Variants in SUCLG2 observed in about 807,000 individuals in gnomAD.
The protein encoded by SUCLG2 is succinate--CoA ligase [GDP-forming] subunit beta, mitochondrial.
Under a neutral mutation model 47.9 loss-of-function variants are expected in SUCLG2, and 42 were observed. The ratio of observed to expected loss-of-function variants is 0.88; its 90% CI spans 0.69 to 1.14. SUCLG2 has a LOEUF of 1.14. SUCLG2 is among the 50% of genes most tolerant of loss of function. The pLI is 0.00. For missense variants in SUCLG2, 571 were observed against 525.9 expected (o/e 1.09, Z -0.84); for synonymous variants, 195 against 197.3 (o/e 0.99, Z 0.10).
chr3:67,615,311 G>C (rs531966266), intron 1 of SUCLG2, among the ~76,000 whole-genome samples: 22 of 151,942 alleles, frequency 1.4e-4, no homozygotes, highest in African/African-American at 5.3e-4. Flanking sequence ...TAAAATTAGA[G>C]GTGTAGAAAC....
At chr3:67,636,351 T>A (rs1202556367) in intron 1 of SUCLG2, among the ~76,000 whole-genome samples, 3 of 148,984 alleles carry the variant, frequency 2.0e-5, no homozygotes, top group Non-Finnish European at 4.5e-5. Flanking sequence ...CAAGGCAGAA[T>A]CCTTTTTTTT....
At chr3:67,538,193 A>G (rs904333470) in intron 2 of SUCLG2, among the ~76,000 whole-genome samples, 1 of 151,886 alleles carries the variant, frequency 6.6e-6, no homozygotes, top group African/African-American at 2.4e-5. Flanking sequence ...TAGGGTTTTG[A>G]TCGTTTTAGG....
downstream of SUCLG2, among the ~76,000 whole-genome samples, chr3:67,370,867 A>G (rs1000327880): frequency 6.6e-6 from 1 of 152,214 alleles, no homozygotes; most frequent in Non-Finnish European, 1.5e-5. Flanking sequence ...TGTGATTCCT[A>G]ATACAAGGCT....
intron 9 of SUCLG2, among the ~76,000 whole-genome samples, chr3:67,491,554 G>A (rs1351879220): frequency 1.3e-5 from 2 of 151,822 alleles, no homozygotes; most frequent in African/African-American, 2.4e-5. Flanking sequence ...AAGTAGAGAC[G>A]GGGTTTTACC....
chr3:67,598,476 A>G (rs1455195778), intron 2 of SUCLG2, among the ~76,000 whole-genome samples: 1 of 152,230 alleles, frequency 6.6e-6, no homozygotes, highest in Non-Finnish European at 1.5e-5. Context: ...AGGCAAACCA[A>G]TAGGGATGAT....
At chr3:67,461,271 T>C (rs1182266330) in intron 9 of SUCLG2, among the ~76,000 whole-genome samples, 1 of 152,132 alleles carries the variant, frequency 6.6e-6, no homozygotes, top group African/African-American at 2.4e-5. Context: ...TTCTCAACAT[T>C]AACAGTGCAT....
intron 7 of SUCLG2, among the ~76,000 whole-genome samples, chr3:67,507,822 C>T (rs1047142899): frequency 6.6e-6 from 1 of 152,236 alleles, no homozygotes; most frequent in Non-Finnish European, 1.5e-5. Context: ...ACATGCAAGA[C>T]ACCGGAGGTG....
chr3:67,601,657 C>G (rs1437990132), intron 2 of SUCLG2, among the ~76,000 whole-genome samples: 1 of 152,128 alleles, frequency 6.6e-6, no homozygotes, highest in Non-Finnish European at 1.5e-5. Flanking sequence ...CTTCTTTGCC[C>G]ATTCTCAATG....
At chr3:67,487,832 A>G (rs909003552) in intron 9 of SUCLG2, among the ~76,000 whole-genome samples, 2 of 152,148 alleles carry the variant, frequency 1.3e-5, no homozygotes, top group Admixed American at 6.6e-5. Flanking sequence ...CACTTCTAGG[A>G]ATTTATCTTA....
chr3:67,639,001 T>C (rs552151095), intron 1 of SUCLG2, among the ~76,000 whole-genome samples: 2 of 152,232 alleles, frequency 1.3e-5, no homozygotes, highest in South Asian at 2.1e-4. Flanking sequence ...AGATTAACTA[T>C]CTAGAGCTAT....
In SUCLG2 at chr3:67,528,172, G is replaced by A. The variant is rs200929532; in HGVS notation, c.377C>T (p.Ala126Val). The change falls in exon 4 of 11, where the codon GCG becomes GTG. Residue 126 changes from alanine (A) to valine (V), a missense_variant. Transcript: ENST00000307227. ...ACCTTCTTTTGGAGTTTGTTTTGTC[G>A]CTAGATTGTACCCAATCATCTGTTT... ...LAKQMIGYNL[A>V]TKQTPKEGVK... is the part of the protein sequence containing the mutation. The A allele has an allele frequency of 3.1e-4, 493 of 1,613,742 alleles. No individual in the cohort carries two copies. Among genetic ancestry groups the A allele is most frequent in the Non-Finnish European group, 3.5e-4 (415 of 1,179,828 alleles).
intron 2 of SUCLG2, among the ~76,000 whole-genome samples, chr3:67,550,097 T>C (rs1254077443): frequency 6.6e-6 from 1 of 152,178 alleles, no homozygotes; most frequent in Non-Finnish European, 1.5e-5. Context: ...AATCCTCTGA[T>C]TGAACACCAG....
intron 7 of SUCLG2, among the ~76,000 whole-genome samples, chr3:67,503,490 C>A (rs1053156383): frequency 6.6e-6 from 1 of 152,186 alleles, no homozygotes; most frequent in African/African-American, 2.4e-5. Flanking sequence ...TCTATGTCAA[C>A]AGCAGGGCGA....
intron 2 of SUCLG2, among the ~76,000 whole-genome samples, chr3:67,576,960 C>T (rs908708151): frequency 1.3e-5 from 2 of 151,970 alleles, no homozygotes; most frequent in African/African-American, 2.4e-5. Flanking sequence ...GGATTAACCA[C>T]CTGAGTTTAA....
chr3:67,563,820 G>C (rs1225913164), intron 2 of SUCLG2, among the ~76,000 whole-genome samples: 1 of 151,956 alleles, frequency 6.6e-6, no homozygotes, highest in Non-Finnish European at 1.5e-5. Flanking sequence ...AATTAGCTGG[G>C]AGTGATGGCA....
chr3:67,381,367 T>G (rs1406036146), intron 10 of SUCLG2, among the ~76,000 whole-genome samples: 1 of 152,188 alleles, frequency 6.6e-6, no homozygotes, highest in African/African-American at 2.4e-5. Flanking sequence ...GTTATTTTCT[T>G]CTTAATTCAC....
At chr3:67,492,801 T>C (rs1288174752) in intron 9 of SUCLG2, among the ~76,000 whole-genome samples, 2 of 152,244 alleles carry the variant, frequency 1.3e-5, no homozygotes, top group East Asian at 1.9e-4. Flanking sequence ...GTAGAGATAC[T>C]TGTGTTAGGT....
intron 9 of SUCLG2, among the ~76,000 whole-genome samples, chr3:67,418,674 G>A (rs1559518860): frequency 6.6e-6 from 1 of 152,168 alleles, no homozygotes; most frequent in Non-Finnish European, 1.5e-5. Context: ...CCTGGAGATG[G>A]AAGAATCTTT....
At chr3:67,470,582 A>G (rs1704580844) in intron 9 of SUCLG2, among the ~76,000 whole-genome samples, 1 of 152,186 alleles carries the variant, frequency 6.6e-6, no homozygotes, top group African/African-American at 2.4e-5. Flanking sequence ...GCTCCTGATA[A>G]AAAGATAAGT....
Sources: allele counts gnomAD v4.1 joint callset (sites outside exome capture counted in the v4.1 genomes callset), GRCh38; gene constraint gnomAD v4.1.1; transcripts MANE v1.5; gene names NCBI Gene and HGNC (gene_info 2026-07-23, HGNC 2026-07-21).